Variants in PLCH2 observed in about 807,000 individuals in gnomAD.
PLCH2 encodes phospholipase C eta 2, also known as 1-phosphatidylinositol 4,5-bisphosphate phosphodiesterase eta-2.
In PLCH2, 98 loss-of-function variants were observed where a neutral mutation model predicts 134.7. The ratio of observed to expected loss-of-function variants is 0.73; its 90% CI spans 0.62 to 0.86. The LOEUF (loss-of-function observed/expected upper bound fraction) is 0.86. Among genes scored for constraint, PLCH2 ranks in the 40% least tolerant of loss-of-function variants. The pLI is 0.00. For synonymous variants in PLCH2, 974 were observed against 827.5 expected, an observed-to-expected ratio of 1.18 and a Z score of -3.04; for missense variants, 1,994 against 1,986.6, an observed-to-expected ratio of 1.00 and a Z score of -0.07.
intron 5 of PLCH2, among the ~76,000 whole-genome samples, chr1:2,484,821 C>G (rs1040908653): frequency 2.6e-5 from 4 of 152,120 alleles, no homozygotes; most frequent in African/African-American, 9.7e-5. Context: ...CATTTGAGAG[C>G]CCCCCAAGTT....
At chr1:2,501,598 A>G (rs920373744) in intron 20 of PLCH2, 3 of 154,824 alleles carry the variant, frequency 1.9e-5, no homozygotes, top group Non-Finnish European at 4.3e-5. Context: ...TGGGCAGGAC[A>G]CGGGCCGGGC....
intron 20 of PLCH2, 86 bp from the exon 21 acceptor site, chr1:2,502,026 C>T: frequency 6.5e-6 from 8 of 1,237,638 alleles, no homozygotes; most frequent in Non-Finnish European, 7.5e-6. Context: ...ACGTCTGTGG[C>T]ACGGTCTGGA....
In PLCH2 at chr1:2,480,378, C is replaced by T. The variant is rs1334254577; in HGVS notation, c.645+66C>T. The T allele has an allele frequency of 1.0e-5, 16 of 1,549,214 alleles. No individual in the cohort carries two copies. The East Asian group carries it at 3.4e-4, about 33-fold the overall frequency. Reference sequence around the variant, plus strand: ...CTGCACGGGGGCTGTGCTTGTGTGGCTGGGAGCCTGCCAGCCCTGACTGAG... The same window carrying T: ...CTGCACGGGGGCTGTGCTTGTGTGGTTGGGAGCCTGCCAGCCCTGACTGAG... On this transcript the variant is annotated intron_variant, in intron 4 of 21. Coordinates refer to ENST00000378486, the MANE Select transcript of PLCH2 (RefSeq NM_014638.4).
At chr1:2,486,846 G>T (rs965420473) in intron 5 of PLCH2, 61 bp from the exon 6 acceptor site, 8 of 1,336,962 alleles carry the variant, frequency 6.0e-6, no homozygotes, top group Admixed American at 2.0e-5. Flanking sequence ...TGGGGGAGCT[G>T]CCTGAGGCTA....
upstream of PLCH2, among the ~76,000 whole-genome samples, chr1:2,473,543 G>C (rs1308840558): frequency 6.6e-6 from 1 of 152,218 alleles, no homozygotes; most frequent in South Asian, 2.1e-4. Context: ...CTGGACACCA[G>C]TGTGGACACT....
At chr1:2,433,953 G>GC (rs1412255529) in intron 2 of PLCH2, among the ~76,000 whole-genome samples, 11 of 151,196 alleles carry the variant, frequency 7.3e-5, no homozygotes, top group Non-Finnish European at 1.5e-4. Flanking sequence ...TTGAGTGTCT[G>GC]CCTCATGCTC....
At chr1:2,502,672 T>C (rs1465339234) in intron 21 of PLCH2, 2 of 695,630 alleles carry the variant, frequency 2.9e-6, no homozygotes, top group East Asian at 5.4e-5. Flanking sequence ...ACCCTCACGC[T>C]ATCCCGGGGA....
the PLCH2 span, among the ~76,000 whole-genome samples, chr1:2,416,205 C>A: frequency 6.6e-6 from 1 of 152,204 alleles, no homozygotes; most frequent in Admixed American, 6.5e-5. Context: ...GCAGGGTGGG[C>A]CCAGGAGCTG....
At chr1:2,455,209 C>T (rs557437981) in intron 2 of PLCH2, among the ~76,000 whole-genome samples, 100 of 152,360 alleles carry the variant, frequency 6.6e-4, no homozygotes, top group African/African-American at 2.0e-3. Context: ...ATGGGACCCT[C>T]GGCTGTGGGA....
chr1:2,475,944 C>G (rs567584392), upstream of PLCH2, among the ~76,000 whole-genome samples: 53 of 152,292 alleles, frequency 3.5e-4, no homozygotes, highest in Middle Eastern at 0.02. Context: ...CAGAGGTCCT[C>G]ATAAGTAGGG....
At chr1:2,501,158 C>T (rs1044716778) in intron 20 of PLCH2, 1 of 151,972 alleles carries the variant, frequency 6.6e-6, no homozygotes, top group East Asian at 1.9e-4. Context: ...AAGTGCTGGC[C>T]ATCTGAACGC....
At chr1:2,467,615 C>A in exon 1 of PLCH2, 1 of 411,698 alleles carries the variant, frequency 2.4e-6, no homozygotes, top group Non-Finnish European at 4.3e-6. Context: ...TGGCACCCGC[C>A]GGCCATGGAA....
At chr1:2,459,504 C>CCGGTGGTCCTCCTTG (rs1640686899) in intron 2 of PLCH2, among the ~76,000 whole-genome samples, 1 of 48,976 alleles carries the variant, frequency 2.0e-5, no homozygotes, top group South Asian at 9.2e-4. Flanking sequence ...GGTCCTCCTT[C>CCGGTGGTCCTCCTTG]CTGGTGGTCC....
intron 2 of PLCH2, among the ~76,000 whole-genome samples, chr1:2,461,396 C>T (rs1640795052): frequency 6.6e-6 from 1 of 152,166 alleles, no homozygotes; most frequent in Admixed American, 6.5e-5. Context: ...GGCATGTGGG[C>T]ACCTGCTGTG....
intron 1 of PLCH2, among the ~76,000 whole-genome samples, chr1:2,468,795 C>G (rs1184321131): frequency 6.6e-6 from 1 of 152,034 alleles, no homozygotes; most frequent in Non-Finnish European, 1.5e-5. Context: ...CTCTGATAAA[C>G]CGTGTGACCT....
chr1:2,502,333 C>A lies in PLCH2; in HGVS notation c.2883C>A (p.Asp961Glu), dbSNP rs369305962. 727 of 1,534,924 alleles carry A rather than the reference C, an allele frequency of 4.7e-4. 1 individual carries two copies. The highest frequency in any genetic ancestry group is 3.3e-4 in the Non-Finnish European group (379 of 1,141,534). The change falls in exon 21 of 22, where the codon GAC becomes GAA. Residue 961 changes from aspartate to glutamate, a missense_variant. Asp to Glu is a conservative substitution (Grantham distance 45, BLOSUM62 2). Coordinates refer to ENST00000378486, the MANE Select transcript of PLCH2 (RefSeq NM_014638.4). The stretch of plus-strand genomic sequence containing the variant: ...ACACAGGCTCCAAGGGGGTGGCAGA[C>A]GATGTGGTGCCCCCCGGGCCCGGAC... ...TRDTGSKGVA[D>E]DVVPPGPGPA...
At chr1:2,483,589 T>C (rs572670239) in intron 4 of PLCH2, among the ~76,000 whole-genome samples, 1 of 152,274 alleles carries the variant, frequency 6.6e-6, no homozygotes, top group East Asian at 1.9e-4. Flanking sequence ...TGCCCAGCCC[T>C]GGGCTCCCAT....
intron 2 of PLCH2, among the ~76,000 whole-genome samples, chr1:2,458,535 A>G (rs1640611368): frequency 6.6e-6 from 1 of 152,064 alleles, no homozygotes; most frequent in Non-Finnish European, 1.5e-5. Flanking sequence ...TTTCACAGGA[A>G]CTGGCAGGCC....
chr1:2,503,465 C>T, intron 21 of PLCH2: 2 of 608,540 alleles, frequency 3.3e-6, no homozygotes, highest in Non-Finnish European at 5.9e-6. Flanking sequence ...GGCCCCAGGG[C>T]TTCGCTGCTT....
Sources: allele counts gnomAD v4.1 joint callset (sites outside exome capture counted in the v4.1 genomes callset), GRCh38; gene constraint gnomAD v4.1.1; transcripts MANE v1.5; gene names NCBI Gene and HGNC (gene_info 2026-07-23, HGNC 2026-07-21).